The following CPSF6 variants were observed in gnomAD, a reference collection of about 807,000 sequenced individuals.
CPSF6 encodes cleavage and polyadenylation specificity factor subunit 6.
A neutral mutation model predicts 56.7 loss-of-function variants in CPSF6; 10 were observed. The observed-to-expected ratio is 0.18, with a 90% CI of 0.11 to 0.30. The LOEUF (loss-of-function observed/expected upper bound fraction) is 0.30, where lower values mean the gene tolerates loss of function less well. CPSF6 is among the 10% of genes least tolerant of loss of function. CPSF6 has a pLI of 1.00. For missense variants in CPSF6, 419 were observed against 722.9 expected (o/e 0.58, Z 4.82); for synonymous variants, 248 against 244.8 (o/e 1.01, Z -0.12).
chr12:69,244,063 C>G (rs199928410), intron 1 of CPSF6, among the ~76,000 whole-genome samples: 1 of 152,126 alleles, frequency 6.6e-6, no homozygotes, highest in African/African-American at 2.4e-5. Context: ...CTCAAGCTGT[C>G]TTCTTGCTTT....
chr12:69,263,011 T>C (rs1401423225), intron 9 of CPSF6, among the ~76,000 whole-genome samples: 1 of 152,114 alleles, frequency 6.6e-6, no homozygotes, highest in African/African-American at 2.4e-5. Flanking sequence ...CCTAAAAATT[T>C]ATGAGAAAAT....
intron 2 of CPSF6, 119 bp from the exon 3 acceptor site, chr12:69,252,932 A>G (rs1872320887): frequency 5.0e-6 from 3 of 599,484 alleles, no homozygotes; most frequent in Non-Finnish European, 8.7e-6. Context: ...CTAGACTTAG[A>G]TTTGCACTCA....
chr12:69,260,061 A>G lies in CPSF6; in HGVS notation c.1333A>G (p.Ile445Val), dbSNP rs768434947. Residue 445 changes from isoleucine (I) to valine (V), a missense_variant, in exon 8 of 10, where the codon ATT becomes GTT. By Grantham distance (29) the Ile-to-Val change is conservative. Coordinates refer to ENST00000435070, the MANE Select transcript of CPSF6 (RefSeq NM_007007.3). ...CCTCACAGGTGATTATGGGAGTGCT[A>G]TTGAGACACTGGTAACTGCAATTTC... ...DASAGDYGSA[I>V]ETLVTAISLI... The G allele has an allele frequency of 1.9e-5, 30 of 1,612,984 alleles. No individual in the cohort carries two copies. The highest frequency in any genetic ancestry group is 4.0e-5 in the African/African-American group (3 of 74,876).
intron 1 of CPSF6, among the ~76,000 whole-genome samples, chr12:69,249,890 T>C (rs958094451): frequency 2.0e-5 from 3 of 152,230 alleles, no homozygotes; most frequent in African/African-American, 7.2e-5. Context: ...TGACACCCAG[T>C]AGCATTGCTT....
chr12:69,247,882 G>GT lies in CPSF6; in HGVS notation c.61-3241dup, dbSNP rs1056861468. ...CAGCAAATGTATTCAGATTCATTAT[G>GT]TTTTTTCACAAAGTTTAAATGTATA... is the stretch of plus-strand genomic sequence containing the variant. On this transcript the variant is annotated intron_variant, in intron 1 of 9. Coordinates refer to ENST00000435070, the MANE Select transcript of CPSF6 (RefSeq NM_007007.3). 2.2e-4 allele frequency among the ~76,000 whole-genome samples: 33 copies of GT among 152,274 alleles called. No individual in the cohort carries two copies. In the Middle Eastern group the frequency reaches 0.014, roughly 63 times the overall value.
chr12:69,247,369 GT>G (rs77776712), intron 1 of CPSF6, among the ~76,000 whole-genome samples: 7,657 of 141,906 alleles, frequency 0.054, 222 homozygotes, highest in Middle Eastern at 0.093. Flanking sequence ...AAATTAGTGA[GT>G]TTTTTTTTTT....
chr12:69,251,145 G>A lies in CPSF6; in HGVS notation c.77G>A (p.Gly26Glu), dbSNP rs1417167106. 1 of 1,609,838 alleles carries A rather than the reference G, an allele frequency of 6.2e-7. No individual in the cohort carries two copies. Among genetic ancestry groups the A allele is most frequent in the Non-Finnish European group, 8.5e-7 (1 of 1,177,250 alleles). Reference protein sequence around the residue: ...EEFNQEAEYGGHDQIDLYDDV... With the variant: ...EEFNQEAEYGEHDQIDLYDDV... ...GTATCTCAGGAAGCTGAATATGGTG[G>A]GCATGATCAGATAGATTTGTATGAC... The change falls in exon 2 of 10, where the codon GGG becomes GAG. Residue 26 changes from glycine (G) to glutamate (E), a missense_variant. Physicochemically the swap from Gly to Glu is moderately conservative, Grantham distance 98. Around this residue, in one of 4 missense-constraint regions of CPSF6, gnomAD observed 125 missense variants for 216.4 expected, o/e 0.58. Transcript: ENST00000435070.
chr12:69,257,505 C>CA lies in CPSF6; in HGVS notation c.521-226dup, dbSNP rs1414269442. Among the ~76,000 whole-genome samples the CA allele has an allele frequency of 7.2e-5, 11 of 152,258 alleles. No individual in the cohort carries two copies. In the East Asian group the frequency reaches 2.1e-3, roughly 29 times the overall value. On this transcript the variant is annotated intron_variant, in intron 4 of 9. Coordinates refer to ENST00000435070, the MANE Select transcript of CPSF6 (RefSeq NM_007007.3). ...GAGTGCTGGTATTTTGAAAGTAACTCACGATTACCTATGGAAAATATATTT... is the reference window on the plus strand; with the variant it reads ...GAGTGCTGGTATTTTGAAAGTAACTCAACGATTACCTATGGAAAATATATTT...
Position 69,252,655 on chromosome 12 carries a change from T to C in CPSF6, c.271-396T>C, listed in dbSNP as rs1469916780. Among the ~76,000 whole-genome samples the C allele has an allele frequency of 3.3e-5, 5 of 152,228 alleles. No homozygotes were observed. In the East Asian group the frequency reaches 9.6e-4, roughly 29 times the overall value. On this transcript the variant is annotated intron_variant, in intron 2 of 9. Coordinates refer to ENST00000435070, the MANE Select transcript of CPSF6 (RefSeq NM_007007.3). ...TATATGGTAGATATTAAATACATGT[T>C]AGTTTTTTCTTATCTGCATTTTAAT...
At position 69,242,938 on chromosome 12, in the gene CPSF6, A is replaced by G. The variant is rs562147448; in HGVS notation, c.60+3232A>G. Reference sequence around the variant, plus strand: ...AGCCTGGCCAACATGGTGAAACCCCATCTCTATCAAAATACAAAAATTGGC... The same window carrying G: ...AGCCTGGCCAACATGGTGAAACCCCGTCTCTATCAAAATACAAAAATTGGC... On this transcript the variant is annotated intron_variant, in intron 1 of 9. Transcript: ENST00000435070. 7.2e-5 allele frequency among the ~76,000 whole-genome samples: 11 copies of G among 152,210 alleles called. No individual in the cohort carries two copies. In the East Asian group the frequency reaches 1.9e-3, roughly 27 times the overall value.
intron 1 of CPSF6, among the ~76,000 whole-genome samples, chr12:69,241,072 A>G (rs1267076881): frequency 6.6e-6 from 1 of 152,212 alleles, no homozygotes; most frequent in Non-Finnish European, 1.5e-5. Context: ...AGGAAACTCA[A>G]GAGATCTTTA....
rs550639883 is a variant in CPSF6 at position 69,253,914 on chromosome 12, G to A, written c.374+760G>A. On this transcript the variant is annotated intron_variant, in intron 3 of 9. Coordinates refer to ENST00000435070, the MANE Select transcript of CPSF6 (RefSeq NM_007007.3). ...TATAAGTCTTTTGGTACAGATTTTG[G>A]ATTTTCTTTTAAGGATAAATTGTTA... Among the ~76,000 whole-genome samples the A allele has an allele frequency of 2.6e-5, 4 of 152,060 alleles. 1 individual carries two copies. Among genetic ancestry groups the A allele is most frequent in the Admixed American group, 2.6e-4 (4 of 15,286 alleles).
At chr12:69,259,891 A>G (rs765206853) in intron 7 of CPSF6, 153 bp from the exon 8 acceptor site, 5 of 285,932 alleles carry the variant, frequency 1.7e-5, no homozygotes, top group Non-Finnish European at 2.6e-5. Flanking sequence ...GGCTTTTGCA[A>G]ATGGTGAAAC....
In CPSF6 at chr12:69,271,627, AGTGT is replaced by A. The variant is rs1199639057; in HGVS notation, c.*2120_*2123del. 1 of 151,620 alleles carries A rather than the reference AGTGT, an allele frequency of 6.6e-6. No homozygotes were observed. Among genetic ancestry groups the A allele is most frequent in the Non-Finnish European group, 1.5e-5 (1 of 67,652 alleles). 9.4% of individuals were successfully genotyped at this position (151,620 alleles called of 1,614,324 possible). A position where few individuals can be genotyped will look rare whatever the true frequency, so the allele number is the denominator to read the frequency against. On this transcript the variant is annotated 3_prime_UTR_variant, in exon 10 of 10. Transcript: ENST00000435070. Reference sequence around the variant, plus strand: ...CATGACTTTCGTTACAGACAGTGTGAGTGTACTAGATTTGTTTGCTGCTAATCCG... The same window carrying A: ...CATGACTTTCGTTACAGACAGTGTGAACTAGATTTGTTTGCTGCTAATCCG...
chr12:69,245,912 C>T (rs1359521407), intron 1 of CPSF6, among the ~76,000 whole-genome samples: 1 of 152,100 alleles, frequency 6.6e-6, no homozygotes, highest in Non-Finnish European at 1.5e-5. Context: ...ATGGCGAAAC[C>T]CCTGTCTCTA....
intron 1 of CPSF6, among the ~76,000 whole-genome samples, chr12:69,246,311 A>G (rs1404557951): frequency 6.6e-6 from 1 of 152,224 alleles, no homozygotes; most frequent in African/African-American, 2.4e-5. Context: ...AACATTGTTT[A>G]TGATTTATTT....
intron 9 of CPSF6, among the ~76,000 whole-genome samples, chr12:69,267,955 T>C (rs987817732): frequency 6.6e-6 from 1 of 151,824 alleles, no homozygotes; most frequent in African/African-American, 2.4e-5. Context: ...ATGGAAGAGT[T>C]GAATATTTTT....
chr12:69,250,342 T>C (rs1192546021), intron 1 of CPSF6, among the ~76,000 whole-genome samples: 1 of 152,148 alleles, frequency 6.6e-6, no homozygotes, highest in African/African-American at 2.4e-5. Flanking sequence ...TGTGTGTTAT[T>C]ACTTCTAGTT....
rs1873180588 is a variant in CPSF6, at chr12:69,270,234, A to G, written c.*726A>G. ...CCTAGTTAGCTTGTGACTTTGCTGA[A>G]TGGTATGTAAACTTGTAAAAATAGA... is the stretch of plus-strand genomic sequence containing the variant. On this transcript the variant is annotated 3_prime_UTR_variant, in exon 10 of 10. Transcript: ENST00000435070. The G allele has an allele frequency of 6.6e-6, 1 of 152,110 alleles. No homozygotes were observed. The highest frequency in any genetic ancestry group is 2.1e-4 in the South Asian group (1 of 4,824). The allele number at this position is 152,110 out of a possible 1,614,324, so 9.4% of individuals were successfully genotyped here.
Sources: gnomAD v4.1 joint callset for allele counts (sites outside exome capture counted in the v4.1 genomes callset) on GRCh38, gnomAD v4.1.1 for gene constraint, gnomAD v4.1.1 regional missense constraint, MANE v1.5 for transcripts, NCBI Gene and HGNC (gene_info 2026-07-23, HGNC 2026-07-21) for gene names.